Variants in NME7 observed in about 807,000 individuals in gnomAD.
The protein encoded by NME7 is nucleoside diphosphate kinase 7.
In NME7, 41 loss-of-function variants were observed where a neutral mutation model predicts 49.1. The ratio of observed to expected loss-of-function variants is 0.83; its 90% CI spans 0.65 to 1.08. NME7 has a LOEUF of 1.08. Among genes scored for constraint, NME7 ranks in the 50% least tolerant of loss-of-function variants. The pLI, the probability that NME7 is intolerant of heterozygous loss-of-function variation, is 0.00. For missense variants in NME7, 423 were observed against 463.4 expected, an observed-to-expected ratio of 0.91 and a Z score of 0.80; for synonymous variants, 139 against 150.6, an observed-to-expected ratio of 0.92 and a Z score of 0.56.
At chr1:169,359,843 C>T (rs1469830814) in intron 1 of NME7, among the ~76,000 whole-genome samples, 1 of 151,946 alleles carries the variant, frequency 6.6e-6, no homozygotes, top group African/African-American at 2.4e-5. Flanking sequence ...TAAGATGAGT[C>T]AGGAGAGAGA....
chr1:169,321,154 C>T (rs1468213898), intron 3 of NME7, among the ~76,000 whole-genome samples: 2 of 152,120 alleles, frequency 1.3e-5, no homozygotes, highest in Non-Finnish European at 1.5e-5. Flanking sequence ...AAATTTAAAG[C>T]AGTCTTCCAG....
intron 6 of NME7, among the ~76,000 whole-genome samples, chr1:169,297,660 C>T (rs1243094764): frequency 1.3e-5 from 2 of 152,068 alleles, no homozygotes; most frequent in Non-Finnish European, 2.9e-5. Context: ...ACAATAAAGA[C>T]TTTAGATTTT....
chr1:169,317,004 T>C (rs559290929), intron 3 of NME7, among the ~76,000 whole-genome samples: 7 of 142,150 alleles, frequency 4.9e-5, no homozygotes, highest in Non-Finnish European at 7.7e-5. Flanking sequence ...AAGAAAAAAA[T>C]AGAAAAACAG....
At chr1:169,179,450 A>G (rs1321434085) in intron 10 of NME7, among the ~76,000 whole-genome samples, 1 of 152,214 alleles carries the variant, frequency 6.6e-6, no homozygotes. Flanking sequence ...CAGCAATCCC[A>G]TTACTGGGTA....
chr1:169,262,639 C>T (rs1289264741), intron 7 of NME7, among the ~76,000 whole-genome samples: 1 of 132,792 alleles, frequency 7.5e-6, no homozygotes, highest in African/African-American at 2.6e-5. Context: ...ACCAGTCTGT[C>T]GGGGCTCAGT....
intron 1 of NME7, among the ~76,000 whole-genome samples, chr1:169,358,307 G>A (rs1445776090): frequency 6.6e-6 from 1 of 151,834 alleles, no homozygotes; most frequent in Non-Finnish European, 1.5e-5. Context: ...ATGCTTTAAG[G>A]TAATCTAAAC....
At chr1:169,194,280 C>T (rs746079538) in intron 10 of NME7, among the ~76,000 whole-genome samples, 4 of 152,076 alleles carry the variant, frequency 2.6e-5, no homozygotes, top group African/African-American at 4.8e-5. Flanking sequence ...GTAGACAGGG[C>T]GACATAGTTC....
At chr1:169,226,604 T>C (rs768897180) in intron 10 of NME7, among the ~76,000 whole-genome samples, 6 of 152,212 alleles carry the variant, frequency 3.9e-5, no homozygotes, top group Non-Finnish European at 8.8e-5. Context: ...AGAAACAGAA[T>C]GTAACTCAGG....
intron 1 of NME7, among the ~76,000 whole-genome samples, chr1:169,362,780 A>T (rs1376658715): frequency 6.6e-6 from 1 of 152,202 alleles, no homozygotes; most frequent in Non-Finnish European, 1.5e-5. Flanking sequence ...AATATGGAGG[A>T]GAGTGATCTG....
rs138770492 is a variant in NME7 at position 169,356,406 on chromosome 1, T to C, written c.3+11302A>G. Among the ~76,000 whole-genome samples, 600 of 152,168 alleles carry C rather than the reference T, an allele frequency of 3.9e-3. 4 individuals are homozygous for C. The highest frequency in any genetic ancestry group is 0.014 in the African/African-American group (581 of 41,520). On this transcript the variant is annotated intron_variant, in intron 1 of 11. Coordinates refer to ENST00000367811, the MANE Select transcript of NME7 (RefSeq NM_013330.5). Reference sequence around the variant, plus strand: ...AGGTGGACAAGGAAGTCCTCTCTGATGAGGTGTCATTTGAACATACATCTG... The same window carrying C: ...AGGTGGACAAGGAAGTCCTCTCTGACGAGGTGTCATTTGAACATACATCTG...
In NME7 at chr1:169,287,428, A is replaced by G. The variant is rs1020787263; in HGVS notation, c.649-20T>C. 1 of 1,511,080 alleles carries G rather than the reference A, an allele frequency of 6.6e-7. No homozygotes were observed. Among genetic ancestry groups the G allele is most frequent in the African/African-American group, 1.4e-5 (1 of 71,592 alleles). The allele number at this position is 1,511,080 out of a possible 1,614,324, so 93.6% of individuals were successfully genotyped here. On this transcript the variant is annotated intron_variant, in intron 6 of 11. Coordinates refer to ENST00000367811, the MANE Select transcript of NME7 (RefSeq NM_013330.5). The stretch of plus-strand genomic sequence containing the variant: ...CATTTCCTAAAGACAGAGAGAAATG[A>G]TTTTGACAAATGTGATCTCTTATCT...
Position 169,303,131 on chromosome 1 carries a change from A to G in NME7, c.440+14T>C, listed in dbSNP as rs758458566. 5 of 1,549,364 alleles carry G rather than the reference A, an allele frequency of 3.2e-6. No homozygotes were observed. Among genetic ancestry groups the G allele is most frequent in the Non-Finnish European group, 4.4e-6 (5 of 1,134,676 alleles). The stretch of plus-strand genomic sequence containing the variant: ...CTCCTTTACATACCACTAATCCCCA[A>G]ATTAAGGACCTACTTGAAAAAGGGT... On this transcript the variant is annotated intron_variant, in intron 5 of 11. Coordinates refer to ENST00000367811, the MANE Select transcript of NME7 (RefSeq NM_013330.5).
intron 10 of NME7, among the ~76,000 whole-genome samples, chr1:169,200,601 G>C (rs957593551): frequency 2.0e-5 from 3 of 152,058 alleles, no homozygotes; most frequent in Middle Eastern, 3.2e-3. Flanking sequence ...CTTACAATCT[G>C]GATCAATATT....
chr1:169,256,758 CTGTT>C (rs1456189539), intron 7 of NME7, among the ~76,000 whole-genome samples: 1 of 127,122 alleles, frequency 7.9e-6, no homozygotes, highest in East Asian at 2.1e-4. Flanking sequence ...GATGTCCTTT[CTGTT>C]TGTTAGTTTT....
chr1:169,141,646 G>A (rs1472563363), intron 11 of NME7, among the ~76,000 whole-genome samples: 1 of 152,076 alleles, frequency 6.6e-6, no homozygotes, highest in African/African-American at 2.4e-5. Flanking sequence ...TTTATTTCTT[G>A]GGAAGTTCCT....
intron 11 of NME7, among the ~76,000 whole-genome samples, chr1:169,138,527 T>C (rs1368637808): frequency 6.6e-6 from 1 of 151,848 alleles, no homozygotes; most frequent in African/African-American, 2.4e-5. Context: ...CTGGGCAACA[T>C]AGAAAGACTC....
At position 169,277,234 on chromosome 1, in the gene NME7, G is replaced by T. The variant is rs1472857529; in HGVS notation, c.754+10069C>A. 5.5e-5 allele frequency among the ~76,000 whole-genome samples: 8 copies of T among 145,762 alleles called. No homozygotes were observed. The East Asian group carries it at 1.8e-3, about 32-fold the overall frequency. ...GGTGCAGAGCTAAGTTCAATTCCTG[G>T]GTATGCTTGTTGACTTTCTGTCTCG... is the stretch of plus-strand genomic sequence containing the variant. On this transcript the variant is annotated intron_variant, in intron 7 of 11. Transcript: ENST00000367811.
intron 6 of NME7, 81 bp from the exon 7 acceptor site, chr1:169,287,489 C>T: frequency 1.0e-6 from 1 of 978,916 alleles, no homozygotes. Context: ...GGAGGAGAAT[C>T]ATGCAATTAC....
chr1:169,253,098 G>A (rs1015166704), intron 7 of NME7, among the ~76,000 whole-genome samples: 2 of 152,148 alleles, frequency 1.3e-5, no homozygotes, highest in African/African-American at 2.4e-5. Flanking sequence ...ATTCTGTGAA[G>A]AAAGGCATTG....
Sources: gnomAD v4.1 joint callset for allele counts (sites outside exome capture counted in the v4.1 genomes callset) on GRCh38, gnomAD v4.1.1 for gene constraint, MANE v1.5 for transcripts, NCBI Gene and HGNC (gene_info 2026-07-23, HGNC 2026-07-21) for gene names.